ACTR3C: variants seen among roughly 807,000 people sequenced by gnomAD.
ACTR3C encodes actin-related protein 3C.
Under a neutral mutation model 26.3 loss-of-function variants are expected in ACTR3C, and 18 were observed. That is an observed-to-expected ratio of 0.68 (90% CI 0.47 to 1.01). ACTR3C has a LOEUF of 1.01. Among genes scored for constraint, ACTR3C ranks in the 50% least tolerant of loss-of-function variants. The probability of loss-of-function intolerance (pLI) is 0.00; values close to 1 mark genes in which losing one functional copy is unlikely to be tolerated. For missense variants in ACTR3C, 184 were observed against 250.7 expected (o/e 0.73, Z 1.80); for synonymous variants, 55 against 94.5 (o/e 0.58, Z 2.42).
Position 150,247,346 on chromosome 7 carries a change from T to A in ACTR3C, c.*262A>T, listed in dbSNP as rs1266978849. The A allele has an allele frequency of 1.3e-5, 2 of 151,952 alleles. No individual in the cohort carries two copies. The highest frequency in any genetic ancestry group is 2.9e-5 in the Non-Finnish European group (2 of 67,978). The allele number at this position is 151,952 out of a possible 1,614,324, so 9.4% of individuals were successfully genotyped here. ...GTGTCGGTATGTTATTAATACTTTC[T>A]CCAAGAACATGCACATCTTCACCTG... On this transcript the variant is annotated 3_prime_UTR_variant, in exon 8 of 8. Coordinates refer to ENST00000683684, the MANE Select transcript of ACTR3C (RefSeq NM_001164458.2).
the ACTR3C span, among the ~76,000 whole-genome samples, chr7:150,037,543 T>TC: frequency 4.6e-5 from 2 of 43,472 alleles, no homozygotes; most frequent in Admixed American, 2.7e-4. Flanking sequence ...GGGGGGTGCC[T>TC]CCCCCTCGTG....
the ACTR3C span, among the ~76,000 whole-genome samples, chr7:150,028,188 G>A: frequency 6.6e-6 from 1 of 152,236 alleles, no homozygotes; most frequent in African/African-American, 2.4e-5. Flanking sequence ...TGGTTTTAGG[G>A]GACTCTCTCT....
the ACTR3C span, among the ~76,000 whole-genome samples, chr7:150,224,319 C>G: frequency 6.6e-6 from 1 of 152,240 alleles, no homozygotes; most frequent in Non-Finnish European, 1.5e-5. Context: ...GAAATACACT[C>G]TCTTTCTTTC....
the ACTR3C span, among the ~76,000 whole-genome samples, chr7:149,918,850 C>A: frequency 6.6e-6 from 1 of 152,180 alleles, no homozygotes; most frequent in South Asian, 2.1e-4. Flanking sequence ...GAGCTGAGAA[C>A]GAGCCCAACA....
At chr7:150,030,347 A>G in the ACTR3C span, among the ~76,000 whole-genome samples, 1 of 150,130 alleles carries the variant, frequency 6.7e-6, no homozygotes, top group Admixed American at 6.6e-5. Flanking sequence ...CAAGCACTCA[A>G]CAGCCATATG....
At chr7:150,281,691 G>A (rs2530917) in intron 6 of ACTR3C, among the ~76,000 whole-genome samples, 24 of 152,136 alleles carry the variant, frequency 1.6e-4, no homozygotes, top group South Asian at 4.2e-4. Context: ...CCCCGCCTGA[G>A]GAGGGTCCGC....
chr7:150,167,955 T>C, the ACTR3C span, among the ~76,000 whole-genome samples: 1 of 151,012 alleles, frequency 6.6e-6, no homozygotes, highest in African/African-American at 2.5e-5. Context: ...AAAATATATA[T>C]ATTTAGATAA....
At chr7:150,007,036 A>G in the ACTR3C span, among the ~76,000 whole-genome samples, 1,567 of 151,940 alleles carry the variant, frequency 0.01, 12 homozygotes, top group Middle Eastern at 0.014. Context: ...GGCTCATTGT[A>G]TGAATTTGCA....
the ACTR3C span, among the ~76,000 whole-genome samples, chr7:149,949,398 GGA>G: frequency 6.4e-5 from 2 of 31,198 alleles, 1 homozygote; most frequent in African/African-American, 2.5e-4. Context: ...AAGGAGGGAA[GGA>G]AGGAAGGAAG....
At chr7:150,119,153 T>C in the ACTR3C span, among the ~76,000 whole-genome samples, 1 of 152,106 alleles carries the variant, frequency 6.6e-6, no homozygotes, top group Non-Finnish European at 1.5e-5. Context: ...GTAAAGACCA[T>C]CGACACTATG....
the ACTR3C span, among the ~76,000 whole-genome samples, chr7:150,042,593 CACT>C: frequency 1.4e-5 from 2 of 141,822 alleles, no homozygotes; most frequent in South Asian, 2.2e-4. Context: ...TGCCTCCCCC[CACT>C]GCGATGGGAG....
chr7:150,181,963 G>A, the ACTR3C span, among the ~76,000 whole-genome samples: 2 of 150,534 alleles, frequency 1.3e-5, no homozygotes, highest in Non-Finnish European at 2.9e-5. Context: ...ACAGTCTAGC[G>A]ATAGACAAAA....
the ACTR3C span, among the ~76,000 whole-genome samples, chr7:150,163,975 T>C: frequency 6.6e-6 from 1 of 152,324 alleles, no homozygotes; most frequent in African/African-American, 2.4e-5. Flanking sequence ...CCCACTCAGG[T>C]TGACACATTA....
chr7:150,256,831 T>TG (rs1833253763), intron 6 of ACTR3C, among the ~76,000 whole-genome samples: 1 of 152,138 alleles, frequency 6.6e-6, no homozygotes, highest in African/African-American at 2.4e-5. Flanking sequence ...TTGGCTTAAC[T>TG]GACATGTAGA....
At chr7:150,032,432 G>A in the ACTR3C span, among the ~76,000 whole-genome samples, 8 of 152,160 alleles carry the variant, frequency 5.3e-5, no homozygotes, top group African/African-American at 1.9e-4. Flanking sequence ...TGCGGTGCAG[G>A]CCCTGACAAC....
chr7:149,997,658 C>T, the ACTR3C span, among the ~76,000 whole-genome samples: 1 of 149,548 alleles, frequency 6.7e-6, no homozygotes, highest in Non-Finnish European at 1.5e-5. Context: ...TCCTCTGAGT[C>T]ATATGAGCCC....
chr7:150,098,933 C>T, the ACTR3C span, among the ~76,000 whole-genome samples: 356 of 150,682 alleles, frequency 2.4e-3, 5 homozygotes, highest in Middle Eastern at 3.4e-3. Context: ...CTACAATAGC[C>T]TTTCAAGCAA....
the ACTR3C span, among the ~76,000 whole-genome samples, chr7:150,035,071 GA>G: frequency 4.3e-5 from 6 of 139,150 alleles, no homozygotes; most frequent in East Asian, 1.3e-3. Flanking sequence ...CCTGCCGTCG[GA>G]AGATTTGAAC....
the ACTR3C span, among the ~76,000 whole-genome samples, chr7:150,081,928 C>A: frequency 1.3e-5 from 2 of 151,882 alleles, no homozygotes; most frequent in South Asian, 2.1e-4. Context: ...TCTGCTCATG[C>A]AAATGTGCTC....
Sources: gnomAD v4.1 joint callset for allele counts (sites outside exome capture counted in the v4.1 genomes callset) on GRCh38, gnomAD v4.1.1 for gene constraint, MANE v1.5 for transcripts, NCBI Gene and HGNC (gene_info 2026-07-23, HGNC 2026-07-21) for gene names.